PPM1H: variants seen among roughly 807,000 people sequenced by gnomAD.
The protein encoded by PPM1H is protein phosphatase 1H.
PPM1H carries 27 observed loss-of-function variants against 54.9 expected under a neutral mutation model. The observed-to-expected ratio is 0.49, with a 90% CI of 0.36 to 0.68. PPM1H has a LOEUF of 0.68. PPM1H is among the 30% of genes least tolerant of loss of function. PPM1H has a pLI of 0.00. For missense variants in PPM1H, 596 were observed against 667.8 expected (o/e 0.89, Z 1.19); for synonymous variants, 305 against 270.8 (o/e 1.13, Z -1.24).
chr12:62,856,445 T>C (rs140757952), intron 1 of PPM1H, among the ~76,000 whole-genome samples: 146 of 152,312 alleles, frequency 9.6e-4, no homozygotes, highest in African/African-American at 3.4e-3. Flanking sequence ...AAACCATTGT[T>C]TCATGTATTT....
intron 4 of PPM1H, among the ~76,000 whole-genome samples, chr12:62,746,285 C>T (rs1011178815): frequency 6.6e-6 from 1 of 152,206 alleles, no homozygotes; most frequent in African/African-American, 2.4e-5. Flanking sequence ...ACATATATTT[C>T]ACTAGGCACC....
In PPM1H at chr12:62,788,309, T is replaced by C. The variant is rs1240779416; in HGVS notation, c.786A>G (p.Ser262=). The C allele has an allele frequency of 6.3e-7, 1 of 1,584,920 alleles. No homozygotes were observed. Among genetic ancestry groups the C allele is most frequent in the South Asian group, 1.2e-5 (1 of 86,504 alleles). ...CCGTGCAGCCACCAGATATATTATATGAACTCCTCTCTCGTTCTATCTGTA... is the reference window on the plus strand; with the variant it reads ...CCGTGCAGCCACCAGATATATTATACGAACTCCTCTCTCGTTCTATCTGTA... The part of the protein sequence containing the change: ...MDLQIERERS[S]YNISGGCTAL... The change falls in exon 4 of 10, where the codon TCA becomes TCG. Residue 262 remains serine, a synonymous_variant. Coordinates refer to ENST00000228705, the MANE Select transcript of PPM1H (RefSeq NM_020700.2).
chr12:62,698,340 G>A lies in PPM1H; in HGVS notation c.1074-4341C>T, dbSNP rs537646059. Among the ~76,000 whole-genome samples, 24 of 152,256 alleles carry A rather than the reference G, an allele frequency of 1.6e-4. No homozygotes were observed. In the South Asian group the frequency reaches 5.0e-3, roughly 32 times the overall value. ...GCTCTGGGAAATTCTTTCTTAAACTGACCCAAACCCGCTGGCCCATCTGGA... is the reference window on the plus strand; with the variant it reads ...GCTCTGGGAAATTCTTTCTTAAACTAACCCAAACCCGCTGGCCCATCTGGA... On this transcript the variant is annotated intron_variant, in intron 6 of 9. Coordinates refer to ENST00000228705, the MANE Select transcript of PPM1H (RefSeq NM_020700.2).
intron 2 of PPM1H, among the ~76,000 whole-genome samples, chr12:62,817,137 G>GAAAAAAAAAAAAAAAAAA (rs748440124): frequency 3.0e-5 from 2 of 67,364 alleles, no homozygotes; most frequent in Non-Finnish European, 2.8e-5. Flanking sequence ...AAAAAAAAAA[G>GAAAAAAAAAAAAAAAAAA]AAAAAAAAAA....
chr12:62,887,714 G>A (rs575134750), intron 1 of PPM1H, among the ~76,000 whole-genome samples: 4 of 152,292 alleles, frequency 2.6e-5, no homozygotes, highest in East Asian at 1.9e-4. Flanking sequence ...AGGAAGATAC[G>A]ACTGCATTGG....
In PPM1H at chr12:62,922,116, A is replaced by G. The variant is rs1236080323; in HGVS notation, c.245+12376T>C. ...TAATTTTGACAAGGTTTGGACTGTT[A>G]TACTTAGGAACGCACATATAGTAAG... On this transcript the variant is annotated intron_variant, in intron 1 of 9. Coordinates refer to ENST00000228705, the MANE Select transcript of PPM1H (RefSeq NM_020700.2). Among the ~76,000 whole-genome samples, 4 of 151,986 alleles carry G rather than the reference A, an allele frequency of 2.6e-5. No homozygotes were observed. The East Asian group carries it at 7.7e-4, about 29-fold the overall frequency.
chr12:62,740,410 G>A lies in PPM1H; in HGVS notation c.870-2824C>T, dbSNP rs141741402. ...TCTCCTGGTTTCCCTCCTAACTTCC[G>A]GGACATTCTCTCTCCAACTTCTCCG... On this transcript the variant is annotated intron_variant, in intron 4 of 9. Transcript: ENST00000228705. 2.0e-4 allele frequency among the ~76,000 whole-genome samples: 31 copies of A among 152,160 alleles called. No individual in the cohort carries two copies. The East Asian group carries it at 3.7e-3, about 18-fold the overall frequency.
chr12:62,693,971 A>G lies in PPM1H; in HGVS notation c.1102T>C (p.Leu368=), dbSNP rs1418685948. 1 of 1,613,034 alleles carries G rather than the reference A, an allele frequency of 6.2e-7. No individual in the cohort carries two copies. The highest frequency in any genetic ancestry group is 8.5e-7 in the Non-Finnish European group (1 of 1,179,672). ...WAYKTIEDED[L]KFPLIYGEGK... ...TCTCCATATATAAGGGGGAACTTCA[A>G]GTCCTCATCCTCAATGGTTTTGTAT... Residue 368 remains leucine, a synonymous_variant, in exon 7 of 10, where the codon TTG becomes CTG. Transcript: ENST00000228705.
At chr12:62,741,661 G>A (rs374586145) in intron 4 of PPM1H, among the ~76,000 whole-genome samples, 20 of 152,212 alleles carry the variant, frequency 1.3e-4, no homozygotes, top group African/African-American at 4.8e-4. Flanking sequence ...ATGCCTAGCT[G>A]TACCCTTACC....
chr12:62,692,778 A>G (rs776517504), intron 7 of PPM1H, among the ~76,000 whole-genome samples: 5 of 152,170 alleles, frequency 3.3e-5, no homozygotes, highest in Non-Finnish European at 4.4e-5. Context: ...ATTTTCATGA[A>G]TGGGGTATGT....
intron 2 of PPM1H, among the ~76,000 whole-genome samples, chr12:62,826,586 A>C (rs1480907093): frequency 6.6e-6 from 1 of 152,206 alleles, no homozygotes; most frequent in South Asian, 2.1e-4. Flanking sequence ...AAATTCCTAT[A>C]ATACTGTTTT....
intron 1 of PPM1H, among the ~76,000 whole-genome samples, chr12:62,932,618 T>TCCAAA (rs2121197222): frequency 7.6e-6 from 1 of 132,356 alleles, no homozygotes; most frequent in East Asian, 2.2e-4. Context: ...TCGTAAAGGG[T>TCCAAA]CCAAATGGGC....
At chr12:62,826,195 A>T (rs1868289587) in intron 2 of PPM1H, among the ~76,000 whole-genome samples, 1 of 152,194 alleles carries the variant, frequency 6.6e-6, no homozygotes. Context: ...CACGTCTGTA[A>T]TCCCAACACT....
chr12:62,798,717 A>AC (rs1428396158), intron 3 of PPM1H, among the ~76,000 whole-genome samples: 1 of 152,186 alleles, frequency 6.6e-6, no homozygotes, highest in African/African-American at 2.4e-5. Flanking sequence ...TGCCATTGCT[A>AC]CATTTAAGAT....
chr12:62,734,873 C>G (rs184435868), intron 5 of PPM1H, among the ~76,000 whole-genome samples: 110 of 152,140 alleles, frequency 7.2e-4, no homozygotes, highest in African/African-American at 2.6e-3. Flanking sequence ...TGAGACCCCC[C>G]CATCTCTACA....
chr12:62,785,095 T>A (rs2076662931), intron 4 of PPM1H, among the ~76,000 whole-genome samples: 1 of 152,276 alleles, frequency 6.6e-6, no homozygotes, highest in South Asian at 2.1e-4. Flanking sequence ...TTTTTTGATT[T>A]TTTTTTAAAT....
chr12:62,885,275 GGGCCCT>G (rs1424801798), intron 1 of PPM1H, among the ~76,000 whole-genome samples: 1 of 152,058 alleles, frequency 6.6e-6, no homozygotes, highest in African/African-American at 2.4e-5. Flanking sequence ...CCATATCAGA[GGGCCCT>G]GTTTTCTTGT....
At chr12:62,800,273 T>C (rs2076759247) in intron 3 of PPM1H, among the ~76,000 whole-genome samples, 1 of 152,166 alleles carries the variant, frequency 6.6e-6, no homozygotes. Flanking sequence ...GCAAGACGCT[T>C]CTAGCTGTTT....
At chr12:62,696,464 C>A (rs1379461944) in intron 6 of PPM1H, among the ~76,000 whole-genome samples, 1 of 152,176 alleles carries the variant, frequency 6.6e-6, no homozygotes, top group East Asian at 1.9e-4. Flanking sequence ...GGGAATAGCA[C>A]CAATGAGGAG....
Sources: allele counts gnomAD v4.1 joint callset (sites outside exome capture counted in the v4.1 genomes callset), GRCh38; gene constraint gnomAD v4.1.1; transcripts MANE v1.5; gene names NCBI Gene and HGNC (gene_info 2026-07-23, HGNC 2026-07-21).